UGT1A4: variants seen among roughly 807,000 people sequenced by gnomAD.
The protein encoded by UGT1A4 is UDP-glucuronosyltransferase 1A4.
UGT1A4 carries 32 observed loss-of-function variants against 41.1 expected under a neutral mutation model. The ratio of observed to expected loss-of-function variants is 0.78; its 90% CI spans 0.59 to 1.05. UGT1A4 has a LOEUF of 1.05. UGT1A4 is among the 50% of genes least tolerant of loss of function. The pLI, the probability that UGT1A4 is intolerant of heterozygous loss-of-function variation, is 0.00. For missense variants in UGT1A4, 748 were observed against 677.4 expected, an observed-to-expected ratio of 1.10 and a Z score of -1.16; for synonymous variants, 283 against 265.1, an observed-to-expected ratio of 1.07 and a Z score of -0.66.
intron 1 of UGT1A4, among the ~76,000 whole-genome samples, chr2:233,756,700 TG>T (rs1321231397): frequency 2.0e-5 from 3 of 152,278 alleles, no homozygotes; most frequent in South Asian, 2.1e-4. Flanking sequence ...CGATGAATTT[TG>T]GGGGGACTTT....
In UGT1A4 at chr2:233,742,896, A is replaced by G. The variant is rs28900374; in HGVS notation, c.867+23209A>G. On this transcript the variant is annotated intron_variant, in intron 1 of 4. Coordinates refer to ENST00000373409, the MANE Select transcript of UGT1A4 (RefSeq NM_007120.3). ...CACCTGGCTCACACTTTCCCAACGG[A>G]AAAAGGTAATGCTCAAAGTGCTGAA... 1,545 of 165,018 alleles carry G rather than the reference A, an allele frequency of 9.4e-3. 58 individuals are homozygous for G. Among genetic ancestry groups the G allele is most frequent in the African/African-American group, 0.035 (1,468 of 41,444 alleles). 10.2% of individuals were successfully genotyped at this position (165,018 alleles called of 1,614,324 possible). A position where few individuals can be genotyped will look rare whatever the true frequency, so the allele number is the denominator to read the frequency against.
chr2:233,768,116 A>G, intron 3 of UGT1A4, 104 bp from the exon 4 acceptor site: 1 of 1,599,724 alleles, frequency 6.3e-7, no homozygotes, highest in Non-Finnish European at 8.5e-7. Context: ...CTGCAAGGGC[A>G]TGTGAGTAAC....
rs565810764 is a variant in UGT1A4 at position 233,741,358 on chromosome 2, A to G, written c.867+21671A>G. ...GTAGTGATTTCCAACACACAAAACC[A>G]CAATGAAACTGCCCATGCCTTTCTA... On this transcript the variant is annotated intron_variant, in intron 1 of 4. Coordinates refer to ENST00000373409, the MANE Select transcript of UGT1A4 (RefSeq NM_007120.3). Among the ~76,000 whole-genome samples the G allele has an allele frequency of 2.0e-5, 3 of 151,842 alleles. No individual in the cohort carries two copies. In the East Asian group the frequency reaches 5.8e-4, roughly 29 times the overall value.
Position 233,769,822 on chromosome 2 carries a change from T to A in UGT1A4, c.1307+1383T>A. The A allele has an allele frequency of 2.6e-6, 2 of 764,522 alleles. No homozygotes were observed. The highest frequency in any genetic ancestry group is 1.9e-6 in the Non-Finnish European group (1 of 538,240). The allele number at this position is 764,522 out of a possible 1,614,324, so 47.4% of individuals were successfully genotyped here. On this transcript the variant is annotated intron_variant, in intron 4 of 4. Coordinates refer to ENST00000373409, the MANE Select transcript of UGT1A4 (RefSeq NM_007120.3). The surrounding 1 kb of genome is among the most constrained non-coding windows in gnomAD (Gnocchi z 4.4). ...ATGAGCCGTGATCATGCCACTGCAC[T>A]CCAGCAACCTGGGCAACAGAGTGAG... is the stretch of plus-strand genomic sequence containing the variant.
chr2:233,767,582 C>A (rs1315665394), intron 2 of UGT1A4, among the ~76,000 whole-genome samples: 1 of 152,138 alleles, frequency 6.6e-6, no homozygotes, highest in Non-Finnish European at 1.5e-5. Context: ...CAAACTTTCC[C>A]TTAAAGTGCA....
At chr2:233,720,203 G>C (rs1171500164) in intron 1 of UGT1A4, among the ~76,000 whole-genome samples, 1 of 152,178 alleles carries the variant, frequency 6.6e-6, no homozygotes, top group Non-Finnish European at 1.5e-5. Context: ...GGGCTGTGAA[G>C]GTGGGATGGA....
At chr2:233,727,744 G>A (rs1233532072) in intron 1 of UGT1A4, among the ~76,000 whole-genome samples, 5 of 152,112 alleles carry the variant, frequency 3.3e-5, no homozygotes, top group Admixed American at 6.5e-5. Flanking sequence ...GCCATCCTGC[G>A]TGTGCTGCCC....
intron 1 of UGT1A4, among the ~76,000 whole-genome samples, chr2:233,723,507 G>A (rs1209315085): frequency 7.7e-6 from 1 of 130,328 alleles, no homozygotes; most frequent in African/African-American, 3.2e-5. Flanking sequence ...ACTGCACCTG[G>A]TCAACAATCT....
chr2:233,733,594 G>A (rs1409734181), intron 1 of UGT1A4, among the ~76,000 whole-genome samples: 1 of 152,164 alleles, frequency 6.6e-6, no homozygotes, highest in African/African-American at 2.4e-5. Context: ...TTCTGTTTAT[G>A]TGATGGATTA....
chr2:233,721,547 C>A, intron 1 of UGT1A4: 1 of 164,174 alleles, frequency 6.1e-6, no homozygotes. Flanking sequence ...TAAATTTTTT[C>A]TTCAGTTTCT....
intron 1 of UGT1A4, chr2:233,741,688 A>C (rs1691743482): frequency 6.6e-6 from 1 of 151,896 alleles, no homozygotes; most frequent in Non-Finnish European, 1.5e-5. Flanking sequence ...GGGTGCCATT[A>C]CATGCAGAGT....
intron 1 of UGT1A4, among the ~76,000 whole-genome samples, chr2:233,722,436 A>T (rs984316554): frequency 6.6e-5 from 10 of 152,092 alleles, no homozygotes; most frequent in African/African-American, 2.4e-4. Flanking sequence ...GAATTATTTG[A>T]TTGGTCTTCT....
Position 233,746,688 on chromosome 2 carries a change from A to G in UGT1A4, c.868-20346A>G, listed in dbSNP as rs575730371. 2.2e-4 allele frequency among the ~76,000 whole-genome samples: 34 copies of G among 151,888 alleles called. 2 individuals carry two copies. The highest frequency in any genetic ancestry group is 7.5e-4 in the African/African-American group (31 of 41,174). On this transcript the variant is annotated intron_variant, in intron 1 of 4. Transcript: ENST00000373409. The stretch of plus-strand genomic sequence containing the variant: ...CTAGCATAGTAGGTAGGGCTCACAC[A>G]TTCCATAAATATTTGGTGGATAAGG...
chr2:233,772,593 C>A lies in UGT1A4; in HGVS notation c.*34C>A. The A allele has an allele frequency of 2.5e-6, 4 of 1,598,604 alleles. No individual in the cohort carries two copies. Among genetic ancestry groups the A allele is most frequent in the Non-Finnish European group, 3.4e-6 (4 of 1,171,794 alleles). On this transcript the variant is annotated 3_prime_UTR_variant, in exon 5 of 5. Transcript: ENST00000373409. The stretch of plus-strand genomic sequence containing the variant: ...TGGGAAATAAGGTAAAATTTTGAAC[C>A]ATTCCCTAGTCATTTCCAAACTTGA...
intron 1 of UGT1A4, among the ~76,000 whole-genome samples, chr2:233,757,560 A>ATATATATATATACATATATATATG (rs904896556): frequency 8.1e-6 from 1 of 123,146 alleles, no homozygotes; most frequent in African/African-American, 3.4e-5. Flanking sequence ...ATATATATAT[A>ATATATATATATACATATATATATG]TGTATATATG....
intron 1 of UGT1A4, among the ~76,000 whole-genome samples, chr2:233,757,066 C>A (rs1244177013): frequency 2.6e-5 from 4 of 151,164 alleles, no homozygotes; most frequent in Non-Finnish European, 4.4e-5. Context: ...AGCAAGGGAT[C>A]CAGAATGGCT....
At position 233,767,025 on chromosome 2, in the gene UGT1A4, T is replaced by G. The variant is rs1345213013; in HGVS notation, c.868-9T>G. ...AAAAATTAACTGAAAATTTTTCTTC[T>G]GGCTCTAGGAATTTGAAGCCTACAT... On this transcript the variant is annotated splice_polypyrimidine_tract_variant and intron_variant, in intron 1 of 4. Coordinates refer to ENST00000373409, the MANE Select transcript of UGT1A4 (RefSeq NM_007120.3). The G allele has an allele frequency of 6.2e-7, 1 of 1,614,030 alleles. No individual in the cohort carries two copies. The highest frequency in any genetic ancestry group is 8.5e-7 in the Non-Finnish European group (1 of 1,180,008).
At position 233,769,785 on chromosome 2, in the gene UGT1A4, T is replaced by G; in HGVS notation, c.1307+1346T>G. The G allele has an allele frequency of 7.5e-7, 1 of 1,329,352 alleles. No individual in the cohort carries two copies. Among genetic ancestry groups the G allele is most frequent in the Non-Finnish European group, 9.9e-7 (1 of 1,011,114 alleles). 82.3% of individuals were successfully genotyped at this position (1,329,352 alleles called of 1,614,324 possible). A position where few individuals can be genotyped will look rare whatever the true frequency, so the allele number is the denominator to read the frequency against. Reference sequence around the variant, plus strand: ...CGGGAGGATTGCTTGAGCCCAGAAGTTGGAGGCTGCTATGAGCCGTGATCA... The same window carrying G: ...CGGGAGGATTGCTTGAGCCCAGAAGGTGGAGGCTGCTATGAGCCGTGATCA... On this transcript the variant is annotated intron_variant, in intron 4 of 4. Coordinates refer to ENST00000373409, the MANE Select transcript of UGT1A4 (RefSeq NM_007120.3). The surrounding 1 kb of genome is among the most constrained non-coding windows in gnomAD (Gnocchi z 4.4).
In UGT1A4 at chr2:233,772,828, C is replaced by A; in HGVS notation, c.*269C>A. ...TTCAGAGGACGTGCAGACAGGCTGG[C>A]ATTCTAGATTACTTTTCTTACTCTG... is the stretch of plus-strand genomic sequence containing the variant. On this transcript the variant is annotated 3_prime_UTR_variant, in exon 5 of 5. Transcript: ENST00000373409. 1.1e-6 allele frequency: 1 copy of A among 921,124 alleles called. No individual in the cohort carries two copies. The highest frequency in any genetic ancestry group is 1.5e-6 in the Non-Finnish European group (1 of 663,786). The allele number at this position is 921,124 out of a possible 1,614,324, so 57.1% of individuals were successfully genotyped here. A position where few individuals can be genotyped will look rare whatever the true frequency, so the allele number is the denominator to read the frequency against.
Sources: gnomAD v4.1 joint callset for allele counts (sites outside exome capture counted in the v4.1 genomes callset) on GRCh38, gnomAD v4.1.1 for gene constraint, Gnocchi (gnomAD v3.1) non-coding constraint, MANE v1.5 for transcripts, NCBI Gene and HGNC (gene_info 2026-07-23, HGNC 2026-07-21) for gene names.